Variants in RIMS2 observed in about 807,000 individuals in gnomAD.
The protein encoded by RIMS2 is regulating synaptic membrane exocytosis 2.
RIMS2 carries 59 observed loss-of-function variants against 174.4 expected under a neutral mutation model. The ratio of observed to expected loss-of-function variants is 0.34; its 90% CI spans 0.27 to 0.42. The LOEUF (loss-of-function observed/expected upper bound fraction) is 0.42. Ranked by LOEUF, RIMS2 falls within the 10% of genes least tolerant of loss-of-function variation. The probability of loss-of-function intolerance (pLI) is 1.00; values close to 1 mark genes in which losing one functional copy is unlikely to be tolerated. For missense variants in RIMS2, 1,620 were observed against 1,666.3 expected (o/e 0.97, Z 0.48); for synonymous variants, 606 against 572.5 (o/e 1.06, Z -0.84).
At chr8:104,022,159 G>A (rs1475439976) in intron 19 of RIMS2, among the ~76,000 whole-genome samples, 1 of 152,156 alleles carries the variant, frequency 6.6e-6, no homozygotes, top group Non-Finnish European at 1.5e-5. Context: ...ACAATGGCTG[G>A]TTATTATTTA....
chr8:104,078,895 G>A (rs1413392237), intron 19 of RIMS2, among the ~76,000 whole-genome samples: 1 of 151,970 alleles, frequency 6.6e-6, no homozygotes, highest in African/African-American at 2.4e-5. Context: ...TTAAAAATTA[G>A]CTGTCTTAGC....
Position 103,630,849 on chromosome 8 carries a change from C to A in RIMS2, c.177-66237C>A, listed in dbSNP as rs539755525. 1.2e-4 allele frequency among the ~76,000 whole-genome samples: 19 copies of A among 152,158 alleles called. No homozygotes were observed. The East Asian group carries it at 3.3e-3, about 26-fold the overall frequency. On this transcript the variant is annotated intron_variant, in intron 1 of 23. Coordinates refer to ENST00000504942, the Ensembl canonical transcript of RIMS2. ...ACAGGTGGAACACAGCCCAAAATAT[C>A]ATTCTAATGAGCAGTGAATTGAGCT...
intron 19 of RIMS2, among the ~76,000 whole-genome samples, chr8:104,178,243 G>A (rs1016092016): frequency 6.6e-6 from 1 of 152,110 alleles, no homozygotes; most frequent in Non-Finnish European, 1.5e-5. Context: ...ACTTGTTTAG[G>A]TTGTTGGCAG....
intron 1 of RIMS2, among the ~76,000 whole-genome samples, chr8:103,575,088 C>G (rs1018707679): frequency 1.1e-4 from 16 of 152,166 alleles, no homozygotes; most frequent in African/African-American, 3.9e-4. Context: ...AAAACTCACA[C>G]AAATCAGTAA....
At chr8:103,677,641 G>A (rs1206352280) in intron 1 of RIMS2, among the ~76,000 whole-genome samples, 2 of 152,142 alleles carry the variant, frequency 1.3e-5, no homozygotes, top group Non-Finnish European at 2.9e-5. Context: ...CTCACTAGAA[G>A]CTCTATTTTG....
At chr8:103,636,280 T>A (rs1438300314) in intron 1 of RIMS2, among the ~76,000 whole-genome samples, 1 of 151,992 alleles carries the variant, frequency 6.6e-6, no homozygotes, top group Non-Finnish European at 1.5e-5. Flanking sequence ...TTCCTAGGGG[T>A]GTGCACAGAA....
At chr8:104,170,760 T>A (rs537893351) in intron 19 of RIMS2, among the ~76,000 whole-genome samples, 1 of 152,232 alleles carries the variant, frequency 6.6e-6, no homozygotes, top group South Asian at 2.1e-4. Flanking sequence ...CCTGTGAGAT[T>A]TATGATTTAA....
chr8:103,981,280 A>G (rs929534747), intron 16 of RIMS2, among the ~76,000 whole-genome samples: 2 of 152,190 alleles, frequency 1.3e-5, no homozygotes, highest in African/African-American at 4.8e-5. Context: ...AGGGAAAAGA[A>G]TAAGAGTCTC....
intron 1 of RIMS2, among the ~76,000 whole-genome samples, chr8:103,531,729 A>C (rs1837260017): frequency 6.6e-6 from 1 of 152,244 alleles, no homozygotes; most frequent in South Asian, 2.1e-4. Context: ...TAAACTAGTA[A>C]ATGTTTTAAT....
chr8:103,598,717 A>T lies in RIMS2; in HGVS notation c.176+97655A>T, dbSNP rs374090552. ...TTTCAGTGGCAAGTCTTGATCTCAA[A>T]GTCTTCCAAACCAAGAGCATCTCTT... On this transcript the variant is annotated intron_variant, in intron 1 of 23. Transcript: ENST00000504942. Among the ~76,000 whole-genome samples, 8 of 152,288 alleles carry T rather than the reference A, an allele frequency of 5.3e-5. No homozygotes were observed. In the East Asian group the frequency reaches 7.7e-4, roughly 15 times the overall value.
At chr8:103,976,237 A>C (rs2154548596) in intron 16 of RIMS2, 1 of 152,372 alleles carries the variant, frequency 6.6e-6, no homozygotes, top group South Asian at 2.1e-4. Context: ...AGGAAAAACA[A>C]AATGCTATTC....
chr8:103,566,237 C>G (rs1394154100), intron 1 of RIMS2, among the ~76,000 whole-genome samples: 2 of 152,172 alleles, frequency 1.3e-5, no homozygotes, highest in Admixed American at 6.5e-5. Flanking sequence ...GCTCCTCCCC[C>G]TTCCCCATTC....
chr8:104,101,006 G>T (rs34975613), intron 19 of RIMS2, among the ~76,000 whole-genome samples: 34,447 of 133,418 alleles, frequency 0.26, 4,604 homozygotes, highest in South Asian at 0.39. Context: ...TGTTATATAT[G>T]ATATATTACA....
At chr8:103,805,042 C>T (rs1476946948) in intron 3 of RIMS2, among the ~76,000 whole-genome samples, 9 of 152,060 alleles carry the variant, frequency 5.9e-5, no homozygotes, top group African/African-American at 2.2e-4. Flanking sequence ...AATCTTCCTG[C>T]CTTGGCCTCT....
At chr8:104,235,679 T>C (rs531801361) in intron 19 of RIMS2, among the ~76,000 whole-genome samples, 7 of 152,190 alleles carry the variant, frequency 4.6e-5, no homozygotes, top group African/African-American at 1.7e-4. Flanking sequence ...TGCATTCACA[T>C]ACATACACCA....
intron 1 of RIMS2, among the ~76,000 whole-genome samples, chr8:103,580,808 T>TGAAGA (rs2093566860): frequency 6.8e-6 from 1 of 146,594 alleles, no homozygotes; most frequent in Admixed American, 6.9e-5. Context: ...TCAAAGAAAC[T>TGAAGA]GAAGAGAAAG....
chr8:103,643,978 G>A (rs1034980961), intron 1 of RIMS2, among the ~76,000 whole-genome samples: 5 of 152,028 alleles, frequency 3.3e-5, no homozygotes, highest in African/African-American at 9.7e-5. Flanking sequence ...CTTGAGAGAA[G>A]ACCTTGTTAA....
chr8:103,922,406 T>A (rs950659832), intron 10 of RIMS2, among the ~76,000 whole-genome samples: 4 of 152,042 alleles, frequency 2.6e-5, no homozygotes, highest in African/African-American at 9.7e-5. Context: ...TATATTGTGT[T>A]GATATTAGAG....
chr8:103,585,703 GA>G (rs2093877930), intron 1 of RIMS2, among the ~76,000 whole-genome samples: 1 of 151,490 alleles, frequency 6.6e-6, no homozygotes. Context: ...ACAGTGAGGG[GA>G]ACGTCACACA....
Sources: allele counts gnomAD v4.1 joint callset (sites outside exome capture counted in the v4.1 genomes callset), GRCh38; gene constraint gnomAD v4.1.1; transcripts MANE v1.5; gene names NCBI Gene and HGNC (gene_info 2026-07-23, HGNC 2026-07-21).